The following VPS50 variants were observed in gnomAD, a reference collection of about 807,000 sequenced individuals.
VPS50 encodes the protein syndetin.
Under a neutral mutation model 139.7 loss-of-function variants are expected in VPS50, and 70 were observed. The ratio of observed to expected loss-of-function variants is 0.50; its 90% CI spans 0.41 to 0.61. The LOEUF (loss-of-function observed/expected upper bound fraction) is 0.61. Among genes scored for constraint, VPS50 ranks in the 20% least tolerant of loss-of-function variants. VPS50 has a pLI of 0.00. For missense variants in VPS50, 921 were observed against 1,133.7 expected, an observed-to-expected ratio of 0.81 and a Z score of 2.69; for synonymous variants, 365 against 376.7, an observed-to-expected ratio of 0.97 and a Z score of 0.36.
At chr7:93,263,269 AT>A (rs1373962936) in intron 9 of VPS50, among the ~76,000 whole-genome samples, 1 of 152,228 alleles carries the variant, frequency 6.6e-6, no homozygotes, top group Non-Finnish European at 1.5e-5. Context: ...CATTCTAGTA[AT>A]CTTAGGAGCA....
At chr7:93,333,119 TAGA>T (rs2117044291) in intron 21 of VPS50, among the ~76,000 whole-genome samples, 2 of 152,102 alleles carry the variant, frequency 1.3e-5, no homozygotes, top group Middle Eastern at 3.4e-3. Context: ...TTAATGAAAA[TAGA>T]AGAAAAATGG....
At chr7:93,339,458 C>A (rs1358501848) in intron 22 of VPS50, among the ~76,000 whole-genome samples, 2 of 151,858 alleles carry the variant, frequency 1.3e-5, no homozygotes, top group African/African-American at 4.8e-5. Flanking sequence ...CTCATTTATT[C>A]ATATGGAAAA....
intron 9 of VPS50, among the ~76,000 whole-genome samples, chr7:93,270,782 G>A (rs981022779): frequency 2.0e-5 from 3 of 151,442 alleles, no homozygotes; most frequent in Non-Finnish European, 4.4e-5. Context: ...TTTTTCATTC[G>A]TTACAGTGTT....
Position 93,271,275 on chromosome 7 carries a change from A to G in VPS50, c.702+13A>G. Reference sequence around the variant, plus strand: ...GGAACAGATTGAGGTAAGAAGTATTATATCCTAACCTTAATGAGTTTTTCT... The same window carrying G: ...GGAACAGATTGAGGTAAGAAGTATTGTATCCTAACCTTAATGAGTTTTTCT... On this transcript the variant is annotated intron_variant, in intron 10 of 27. Transcript: ENST00000305866. 6.4e-7 allele frequency: 1 copy of G among 1,553,168 alleles called. No individual in the cohort carries two copies. The highest frequency in any genetic ancestry group is 1.3e-5 in the South Asian group (1 of 79,802).
chr7:93,278,926 G>A (rs1417699018), intron 12 of VPS50, among the ~76,000 whole-genome samples: 1 of 152,060 alleles, frequency 6.6e-6, no homozygotes, highest in Non-Finnish European at 1.5e-5. Flanking sequence ...TAACACAGTT[G>A]TACTTTTTTG....
chr7:93,254,977 T>C (rs767252450), intron 4 of VPS50, among the ~76,000 whole-genome samples: 1 of 151,856 alleles, frequency 6.6e-6, no homozygotes, highest in Non-Finnish European at 1.5e-5. Flanking sequence ...GTAGCAGTGG[T>C]GGTATAGGGC....
chr7:93,322,744 A>AT (rs1231310290), intron 20 of VPS50, among the ~76,000 whole-genome samples: 2 of 151,970 alleles, frequency 1.3e-5, no homozygotes, highest in African/African-American at 4.8e-5. Flanking sequence ...AGTATAGAGC[A>AT]TTTTTTAATA....
At chr7:93,312,777 T>C (rs1797308648) in intron 20 of VPS50, among the ~76,000 whole-genome samples, 1 of 152,142 alleles carries the variant, frequency 6.6e-6, no homozygotes, top group African/African-American at 2.4e-5. Context: ...CCTTTTCTCA[T>C]ACCGACCACC....
intron 23 of VPS50, among the ~76,000 whole-genome samples, chr7:93,345,969 T>A (rs1236601027): frequency 6.6e-6 from 1 of 152,206 alleles, no homozygotes. Flanking sequence ...TGTTGGAAGT[T>A]CTGGCCAGGG....
intron 1 of VPS50, among the ~76,000 whole-genome samples, chr7:93,234,178 A>T (rs1169461678): frequency 6.6e-6 from 1 of 152,196 alleles, no homozygotes; most frequent in Non-Finnish European, 1.5e-5. Context: ...CCTGCCATAC[A>T]GTTCAGTGTA....
intron 23 of VPS50, 59 bp from the exon 24 acceptor site, chr7:93,348,652 A>T (rs894630897): frequency 1.9e-5 from 21 of 1,095,556 alleles, no homozygotes; most frequent in Non-Finnish European, 2.5e-5. Context: ...ATACGAAAGC[A>T]TGACAGGCTC....
chr7:93,350,331 TTC>T (rs2117084869), intron 25 of VPS50, among the ~76,000 whole-genome samples: 1 of 152,306 alleles, frequency 6.6e-6, no homozygotes, highest in African/African-American at 2.4e-5. Context: ...AAGAAGATAT[TTC>T]TGTTTAATTA....
chr7:93,288,842 T>G (rs1298216789), intron 12 of VPS50, among the ~76,000 whole-genome samples: 1 of 152,086 alleles, frequency 6.6e-6, no homozygotes, highest in East Asian at 1.9e-4. Flanking sequence ...CATTTACTAG[T>G]GAGAAGGGAG....
At chr7:93,343,167 C>G (rs1411032968) in intron 23 of VPS50, among the ~76,000 whole-genome samples, 1 of 151,940 alleles carries the variant, frequency 6.6e-6, no homozygotes, top group African/African-American at 2.4e-5. Context: ...AACCAAGGCT[C>G]GAGAACTACG....
chr7:93,348,870 A>G, intron 24 of VPS50, 63 bp downstream of exon 24: 1 of 1,161,026 alleles, frequency 8.6e-7, no homozygotes, highest in South Asian at 1.3e-5. Flanking sequence ...CAGATTATTT[A>G]GATTTTTTGT....
intron 20 of VPS50, among the ~76,000 whole-genome samples, chr7:93,316,316 A>G (rs1164416582): frequency 6.6e-6 from 1 of 152,198 alleles, no homozygotes; most frequent in African/African-American, 2.4e-5. Flanking sequence ...CAGCTTGGAC[A>G]TAAGCTCCTT....
At chr7:93,248,504 A>G (rs12539298) in intron 2 of VPS50, among the ~76,000 whole-genome samples, 23,188 of 152,126 alleles carry the variant, frequency 0.15, 2,905 homozygotes, top group East Asian at 0.4. Context: ...ATCAGTTCAC[A>G]TCGTTATCTC....
chr7:93,244,820 A>C (rs1317893480), intron 2 of VPS50, among the ~76,000 whole-genome samples: 1 of 151,828 alleles, frequency 6.6e-6, no homozygotes, highest in East Asian at 1.9e-4. Flanking sequence ...GATCTGCAAA[A>C]TCATTTAAGA....
chr7:93,329,570 A>G (rs1797877106), intron 21 of VPS50, among the ~76,000 whole-genome samples: 1 of 152,044 alleles, frequency 6.6e-6, no homozygotes, highest in Non-Finnish European at 1.5e-5. Flanking sequence ...TGCAGACACA[A>G]GATGCTAAAT....
Sources: allele counts gnomAD v4.1 joint callset (sites outside exome capture counted in the v4.1 genomes callset), GRCh38; gene constraint gnomAD v4.1.1; transcripts MANE v1.5; gene names NCBI Gene and HGNC (gene_info 2026-07-23, HGNC 2026-07-21).